TMPRSS4: variants seen among roughly 807,000 people sequenced by gnomAD.
The protein encoded by TMPRSS4 is transmembrane protease serine 4.
In TMPRSS4, 45 loss-of-function variants were observed where a neutral mutation model predicts 56.4. That is an observed-to-expected ratio of 0.80 (90% CI 0.63 to 1.02). The LOEUF (loss-of-function observed/expected upper bound fraction) is 1.02, where lower values mean the gene tolerates loss of function less well. TMPRSS4 is among the 50% of genes least tolerant of loss of function. The pLI is 0.00. For missense variants in TMPRSS4, 546 were observed against 556.7 expected (o/e 0.98, Z 0.19); for synonymous variants, 205 against 211.0 (o/e 0.97, Z 0.25).
At position 118,117,839 on chromosome 11, in the gene TMPRSS4, T is replaced by C. The variant is rs970277923; in HGVS notation, c.1303-63T>C. 9 of 1,613,890 alleles carry C rather than the reference T, an allele frequency of 5.6e-6. No individual in the cohort carries two copies. In the African/African-American group the frequency reaches 8.0e-5, roughly 14 times the overall value. Reference sequence around the variant, plus strand: ...AGAAAAGGAAGACTCACGTTACACATGTCACCACTTTGTCCAGTTTCAGAT... The same window carrying C: ...AGAAAAGGAAGACTCACGTTACACACGTCACCACTTTGTCCAGTTTCAGAT... On this transcript the variant is annotated intron_variant, in intron 12 of 12. Coordinates refer to ENST00000437212, the MANE Select transcript of TMPRSS4 (RefSeq NM_019894.4).
chr11:118,082,193 C>T (rs1945188127), intron 1 of TMPRSS4, among the ~76,000 whole-genome samples: 1 of 152,190 alleles, frequency 6.6e-6, no homozygotes, highest in East Asian at 1.9e-4. Flanking sequence ...TTGAGAAGCA[C>T]TTTCACATCC....
intron 7 of TMPRSS4, among the ~76,000 whole-genome samples, chr11:118,110,124 G>A (rs1276676096): frequency 6.6e-6 from 1 of 152,176 alleles, no homozygotes. Context: ...AAATGCATCT[G>A]TAGGCTCAAG....
intron 3 of TMPRSS4, among the ~76,000 whole-genome samples, chr11:118,102,718 A>G (rs1162017658): frequency 1.3e-5 from 2 of 152,134 alleles, no homozygotes; most frequent in African/African-American, 4.8e-5. Flanking sequence ...CAAAAAAAAG[A>G]AAAAAGTTAA....
At chr11:118,109,498 A>G (rs1947171201) in intron 7 of TMPRSS4, among the ~76,000 whole-genome samples, 1 of 152,210 alleles carries the variant, frequency 6.6e-6, no homozygotes, top group Non-Finnish European at 1.5e-5. Context: ...GGGGGTCAGA[A>G]GACCTGGGCA....
At chr11:118,078,506 G>A (rs939224738) in intron 1 of TMPRSS4, among the ~76,000 whole-genome samples, 2 of 152,222 alleles carry the variant, frequency 1.3e-5, no homozygotes, top group Admixed American at 6.5e-5. Context: ...TCAGAAAGGG[G>A]AAGGGGCTTC....
chr11:118,078,693 G>A (rs990152152), intron 1 of TMPRSS4, among the ~76,000 whole-genome samples: 5 of 152,154 alleles, frequency 3.3e-5, no homozygotes, highest in African/African-American at 7.2e-5. Context: ...GAGACCTGGG[G>A]TGTCTCTTGG....
intron 1 of TMPRSS4, among the ~76,000 whole-genome samples, chr11:118,082,417 C>A (rs113137102): frequency 0.016 from 2,384 of 152,104 alleles, 30 homozygotes; most frequent in Middle Eastern, 0.031. Context: ...AAACATTAGC[C>A]GAGCGCAGTA....
At chr11:118,096,858 A>G (rs1248964421) in intron 2 of TMPRSS4, among the ~76,000 whole-genome samples, 1 of 33,408 alleles carries the variant, frequency 3.0e-5, no homozygotes, top group South Asian at 8.0e-4. Context: ...AAAGAAAGAA[A>G]GAAAGAAAGA....
intron 7 of TMPRSS4, among the ~76,000 whole-genome samples, chr11:118,111,208 C>G (rs1210823157): frequency 6.6e-6 from 1 of 151,974 alleles, no homozygotes; most frequent in African/African-American, 2.4e-5. Context: ...TACAGGAGTT[C>G]CGGGGGTGGT....
At chr11:118,099,192 C>T (rs561317521) in intron 3 of TMPRSS4, 94 bp downstream of exon 3, 23 of 967,834 alleles carry the variant, frequency 2.4e-5, no homozygotes, top group Non-Finnish European at 3.3e-5. Flanking sequence ...GTGACAGTCC[C>T]CCACCCCTGC....
chr11:118,082,850 G>C (rs938042303), intron 1 of TMPRSS4, among the ~76,000 whole-genome samples: 3 of 152,156 alleles, frequency 2.0e-5, no homozygotes, highest in South Asian at 4.1e-4. Context: ...CTGAGAGTGA[G>C]CTCTTCAGAA....
At chr11:118,095,813 C>T (rs991017941) in intron 2 of TMPRSS4, among the ~76,000 whole-genome samples, 56 of 152,270 alleles carry the variant, frequency 3.7e-4, no homozygotes, top group Non-Finnish European at 2.5e-4. Flanking sequence ...TGTAGGCCCT[C>T]GAGTAAGAAG....
Position 118,102,436 on chromosome 11 carries a change from G to A in TMPRSS4, c.158-665G>A, listed in dbSNP as rs117645554. On this transcript the variant is annotated intron_variant, in intron 3 of 12. Transcript: ENST00000437212. ...AAAGTTGCACAGTAAGGCCGAGTGC[G>A]GTGGCTCACGCCTGTAATCCCAGCA... 8.5e-3 allele frequency among the ~76,000 whole-genome samples: 1,294 copies of A among 152,320 alleles called. 41 individuals are homozygous for A. In the East Asian group the frequency reaches 0.12, roughly 14 times the overall value.
downstream of TMPRSS4, among the ~76,000 whole-genome samples, chr11:118,124,558 CTT>C (rs1321770392): frequency 2.0e-5 from 3 of 151,912 alleles, no homozygotes; most frequent in African/African-American, 4.8e-5. Context: ...TTTTTTAAAA[CTT>C]ATATAAACAC....
In TMPRSS4 at chr11:118,108,801, T is replaced by C. The variant is rs920754687; in HGVS notation, c.543-55T>C. On this transcript the variant is annotated intron_variant, in intron 6 of 12. Coordinates refer to ENST00000437212, the MANE Select transcript of TMPRSS4 (RefSeq NM_019894.4). Reference sequence around the variant, plus strand: ...AACAGCTTCGGGAGGCCTGAGTCCCTGCCTCCCAGCTGAGGAAGAAGCTTA... The same window carrying C: ...AACAGCTTCGGGAGGCCTGAGTCCCCGCCTCCCAGCTGAGGAAGAAGCTTA... 2.5e-6 allele frequency: 4 copies of C among 1,597,130 alleles called. No individual in the cohort carries two copies. In the African/African-American group the frequency reaches 4.0e-5, roughly 16 times the overall value.
At chr11:118,113,195 C>T (rs969768047) in intron 8 of TMPRSS4, 74 bp from the exon 9 acceptor site, 5 of 1,488,842 alleles carry the variant, frequency 3.4e-6, no homozygotes, top group Non-Finnish European at 4.5e-6. Flanking sequence ...ATCCCTAGGG[C>T]CCTGGGGACC....
chr11:118,089,208 C>T (rs1172634821), intron 1 of TMPRSS4, among the ~76,000 whole-genome samples: 2 of 152,164 alleles, frequency 1.3e-5, no homozygotes, highest in South Asian at 2.1e-4. Flanking sequence ...TCTGCAGCTC[C>T]TCTTCCAAAG....
chr11:118,111,512 TAAAA>T (rs140320094), intron 7 of TMPRSS4, among the ~76,000 whole-genome samples: 1 of 143,700 alleles, frequency 7.0e-6, no homozygotes, highest in Non-Finnish European at 1.5e-5. Context: ...TAAACCAAAA[TAAAA>T]AAAAAAGAAA....
At chr11:118,123,484 C>T (rs1216555122), downstream of TMPRSS4, among the ~76,000 whole-genome samples, 1 of 152,128 alleles carries the variant, frequency 6.6e-6, no homozygotes, top group African/African-American at 2.4e-5. Context: ...CAGGACATTC[C>T]CATCTCTTCA....
Sources: gnomAD v4.1 joint callset for allele counts (sites outside exome capture counted in the v4.1 genomes callset) on GRCh38, gnomAD v4.1.1 for gene constraint, MANE v1.5 for transcripts, NCBI Gene and HGNC (gene_info 2026-07-23, HGNC 2026-07-21) for gene names.